DYM: variants seen among roughly 807,000 people sequenced by gnomAD.
The protein encoded by DYM is dymeclin.
A neutral mutation model predicts 93.1 loss-of-function variants in DYM; 78 were observed. That is an observed-to-expected ratio of 0.84 (90% CI 0.70 to 1.01). The LOEUF is 1.01. DYM is among the 50% of genes least tolerant of loss of function. The pLI is 0.00. For missense variants in DYM, 789 were observed against 845.0 expected, an observed-to-expected ratio of 0.93 and a Z score of 0.82; for synonymous variants, 321 against 319.7, an observed-to-expected ratio of 1.00 and a Z score of -0.04.
chr18:49,293,109 G>A (rs2145995986), intron 8 of DYM, among the ~76,000 whole-genome samples: 1 of 152,238 alleles, frequency 6.6e-6, no homozygotes, highest in East Asian at 1.9e-4. Context: ...AATTTGCTGA[G>A]AATGATGGTT....
At chr18:49,230,567 A>C (rs2093665736) in intron 13 of DYM, among the ~76,000 whole-genome samples, 3 of 152,192 alleles carry the variant, frequency 2.0e-5, no homozygotes, top group Admixed American at 1.3e-4. Context: ...TTCCTGAGAA[A>C]AGCTTACCAC....
intron 13 of DYM, among the ~76,000 whole-genome samples, chr18:49,222,013 T>G (rs9962749): frequency 0.026 from 3,922 of 151,584 alleles, 169 homozygotes; most frequent in African/African-American, 0.089. Flanking sequence ...AAAAAGAAAC[T>G]AGACAAAGTA....
chr18:49,346,957 C>A (rs540800529), intron 6 of DYM, among the ~76,000 whole-genome samples: 23 of 152,214 alleles, frequency 1.5e-4, no homozygotes, highest in Admixed American at 2.6e-4. Context: ...CTTAAACATG[C>A]ATGAATACTT....
rs1189157592 is a variant in DYM at position 49,042,343 on chromosome 18, C to T, written c.*1712G>A. The T allele has an allele frequency of 1.3e-5, 2 of 152,538 alleles. No individual in the cohort carries two copies. Among genetic ancestry groups the T allele is most frequent in the Non-Finnish European group, 2.9e-5 (2 of 68,122 alleles). The allele number at this position is 152,538 out of a possible 1,614,324, so 9.4% of individuals were successfully genotyped here. A position where few individuals can be genotyped will look rare whatever the true frequency, so the allele number is the denominator to read the frequency against. On this transcript the variant is annotated 3_prime_UTR_variant, in exon 18 of 18. Coordinates refer to ENST00000675505, the MANE Select transcript of DYM (RefSeq NM_001353214.3). Reference sequence around the variant, plus strand: ...CCCGGGATGGGCGCTCCACGAGTCCCTTGGCCTTAGGGAACCTCTGTTTCA... The same window carrying T: ...CCCGGGATGGGCGCTCCACGAGTCCTTTGGCCTTAGGGAACCTCTGTTTCA...
chr18:49,430,624 C>T (rs1408737777), intron 1 of DYM, among the ~76,000 whole-genome samples, 177 bp from the exon 2 acceptor site: 7 of 152,154 alleles, frequency 4.6e-5, no homozygotes, highest in Non-Finnish European at 5.9e-5. Context: ...TGGTGACTCA[C>T]GCCTGTAATC....
At chr18:49,188,335 G>A (rs919315364) in intron 14 of DYM, among the ~76,000 whole-genome samples, 3 of 152,088 alleles carry the variant, frequency 2.0e-5, no homozygotes, top group African/African-American at 4.8e-5. Context: ...GTTTTATGAG[G>A]CCCATCACAG....
chr18:49,176,404 C>T (rs542476485), intron 14 of DYM, among the ~76,000 whole-genome samples: 1 of 151,840 alleles, frequency 6.6e-6, no homozygotes, highest in Non-Finnish European at 1.5e-5. Flanking sequence ...AACATAAGCA[C>T]ATTTTTTTTC....
At chr18:49,118,301 T>C (rs1320666674) in intron 16 of DYM, among the ~76,000 whole-genome samples, 1 of 152,134 alleles carries the variant, frequency 6.6e-6, no homozygotes. Flanking sequence ...ATCAAAAATA[T>C]AATTTTAAAA....
intron 15 of DYM, among the ~76,000 whole-genome samples, chr18:49,153,200 T>C (rs970782647): frequency 2.0e-5 from 3 of 152,226 alleles, no homozygotes; most frequent in Admixed American, 6.5e-5. Flanking sequence ...TGAATACATA[T>C]AGCAAATCAT....
intron 1 of DYM, among the ~76,000 whole-genome samples, chr18:49,459,935 A>T (rs2083352139): frequency 8.1e-6 from 1 of 123,162 alleles, no homozygotes; most frequent in Non-Finnish European, 1.7e-5. Context: ...GGCGGTGATT[A>T]AAAATGCTCT....
intron 17 of DYM, among the ~76,000 whole-genome samples, chr18:49,066,926 TG>T (rs1363868865): frequency 6.6e-6 from 1 of 152,210 alleles, no homozygotes; most frequent in African/African-American, 2.4e-5. Flanking sequence ...GTGTGTCTAT[TG>T]TATACAGGGT....
chr18:49,050,529 G>T (rs1261868729), intron 17 of DYM, among the ~76,000 whole-genome samples: 1 of 152,174 alleles, frequency 6.6e-6, no homozygotes, highest in South Asian at 2.1e-4. Context: ...CTGTAAGATC[G>T]TGCAGCACGT....
At chr18:49,151,752 C>T (rs1276134603) in intron 15 of DYM, among the ~76,000 whole-genome samples, 1 of 152,056 alleles carries the variant, frequency 6.6e-6, no homozygotes, top group Non-Finnish European at 1.5e-5. Flanking sequence ...CCATGTAAAT[C>T]AAGGATAAAT....
chr18:49,227,530 T>TA (rs2093574271), intron 13 of DYM, among the ~76,000 whole-genome samples: 1 of 152,154 alleles, frequency 6.6e-6, no homozygotes, highest in Non-Finnish European at 1.5e-5. Flanking sequence ...CATTTTTCAG[T>TA]TGTGGTCATG....
At chr18:49,145,261 C>T (rs1226223630) in intron 15 of DYM, among the ~76,000 whole-genome samples, 2 of 150,954 alleles carry the variant, frequency 1.3e-5, no homozygotes, top group Admixed American at 1.3e-4. Context: ...ATAAAGGTTT[C>T]TATACAAATG....
intron 14 of DYM, among the ~76,000 whole-genome samples, chr18:49,165,577 T>G (rs886256327): frequency 3.3e-5 from 5 of 152,136 alleles, no homozygotes; most frequent in Admixed American, 6.6e-5. Context: ...AAGTTTCAAC[T>G]CATATCATCA....
At chr18:49,082,608 C>T (rs1175606217) in intron 17 of DYM, among the ~76,000 whole-genome samples, 2 of 152,016 alleles carry the variant, frequency 1.3e-5, no homozygotes, top group Non-Finnish European at 2.9e-5. Context: ...CATATTAATA[C>T]ACAAGGTAGC....
At chr18:49,090,700 A>G (rs1403608837) in intron 17 of DYM, among the ~76,000 whole-genome samples, 1 of 152,160 alleles carries the variant, frequency 6.6e-6, no homozygotes, top group East Asian at 1.9e-4. Flanking sequence ...CATGCTCTTC[A>G]CCCTCTGAGA....
intron 13 of DYM, among the ~76,000 whole-genome samples, chr18:49,238,243 T>C (rs2093930774): frequency 6.6e-6 from 1 of 152,140 alleles, no homozygotes; most frequent in Non-Finnish European, 1.5e-5. Flanking sequence ...AGTTTTAAAC[T>C]GCAATTTTCT....
Sources: allele counts gnomAD v4.1 joint callset (sites outside exome capture counted in the v4.1 genomes callset), GRCh38; gene constraint gnomAD v4.1.1; transcripts MANE v1.5; gene names NCBI Gene and HGNC (gene_info 2026-07-23, HGNC 2026-07-21).